The following DACH1 variants were observed in gnomAD, a reference collection of about 807,000 sequenced individuals.
The protein encoded by DACH1 is dachshund homolog 1.
In DACH1, 12 loss-of-function variants were observed where a neutral mutation model predicts 54.2. The observed-to-expected ratio is 0.22, with a 90% CI of 0.14 to 0.36. The LOEUF (loss-of-function observed/expected upper bound fraction) is 0.36. DACH1 is among the 10% of genes least tolerant of loss of function. The pLI is 1.00. For synonymous variants in DACH1, 386 were observed against 366.2 expected, an observed-to-expected ratio of 1.05 and a Z score of -0.62; for missense variants, 805 against 929.8, an observed-to-expected ratio of 0.87 and a Z score of 1.75.
intron 1 of DACH1, among the ~76,000 whole-genome samples, chr13:71,737,776 A>G (rs1037674566): frequency 6.6e-6 from 1 of 152,192 alleles, no homozygotes; most frequent in African/African-American, 2.4e-5. Flanking sequence ...TAGAGGCAAT[A>G]GGAATGGTGA....
chr13:71,512,351 C>T (rs1005328210), intron 6 of DACH1, among the ~76,000 whole-genome samples: 11 of 151,672 alleles, frequency 7.3e-5, no homozygotes, highest in South Asian at 4.2e-4. Context: ...TTTGGTTTAC[C>T]GCACGGATTA....
intron 1 of DACH1, among the ~76,000 whole-genome samples, chr13:71,724,791 T>G (rs1182911535): frequency 1.3e-5 from 2 of 152,170 alleles, no homozygotes; most frequent in African/African-American, 4.8e-5. Context: ...TTTGTATTTT[T>G]TTAAGCTCCA....
At position 71,547,561 on chromosome 13, in the gene DACH1, T is replaced by C. The variant is rs141207616; in HGVS notation, c.1570+9463A>G. ...AGCTTCTACTGGGACAAAACTGTTA[T>C]ACACAGAAGTTATCACATACCTCTC... On this transcript the variant is annotated intron_variant, in intron 6 of 10. Transcript: ENST00000613252. 1.1e-3 allele frequency among the ~76,000 whole-genome samples: 168 copies of C among 152,224 alleles called. 1 individual carries two copies. The highest frequency in any genetic ancestry group is 3.2e-3 in the African/African-American group (135 of 41,578).
At position 71,819,967 on chromosome 13, in the gene DACH1, A is replaced by G. The variant is rs575351756; in HGVS notation, c.848+45955T>C. ...AATGGCTCCATTTCATTTAACTGGC[A>G]CCTAAAGAAAAGGACTGTATTGGGT... On this transcript the variant is annotated intron_variant, in intron 1 of 10. Coordinates refer to ENST00000613252, the MANE Select transcript of DACH1 (RefSeq NM_080759.6). 2.0e-5 allele frequency among the ~76,000 whole-genome samples: 3 copies of G among 152,044 alleles called. No individual in the cohort carries two copies. In the South Asian group the frequency reaches 6.2e-4, roughly 32 times the overall value.
chr13:71,784,015 A>G (rs2138074526), intron 1 of DACH1, among the ~76,000 whole-genome samples: 1 of 151,804 alleles, frequency 6.6e-6, no homozygotes, highest in African/African-American at 2.4e-5. Flanking sequence ...AAGTGTTAGC[A>G]TAAAAGTAAA....
intron 7 of DACH1, among the ~76,000 whole-genome samples, chr13:71,482,831 A>G (rs903232665): frequency 3.7e-5 from 4 of 108,648 alleles, no homozygotes; most frequent in Admixed American, 1.4e-4. Context: ...TGGAGTTTCG[A>G]TCTTGTTGCC....
intron 6 of DACH1, among the ~76,000 whole-genome samples, chr13:71,519,197 T>C (rs546468347): frequency 9.2e-5 from 14 of 151,918 alleles, no homozygotes; most frequent in Non-Finnish European, 1.9e-4. Context: ...CTAGTTCTGG[T>C]TTCTCCAGAG....
At chr13:71,746,911 ATATTCAGC>A (rs1046628328) in intron 1 of DACH1, among the ~76,000 whole-genome samples, 54 of 152,268 alleles carry the variant, frequency 3.5e-4, no homozygotes, top group African/African-American at 1.3e-3. Context: ...CCTGCCAAAA[ATATTCAGC>A]TTGATAGAGT....
At chr13:71,456,232 A>T (rs1399019799) in intron 10 of DACH1, among the ~76,000 whole-genome samples, 1 of 152,142 alleles carries the variant, frequency 6.6e-6, no homozygotes, top group Non-Finnish European at 1.5e-5. Context: ...CTACAACTAA[A>T]CATGCAAAGT....
intron 1 of DACH1, among the ~76,000 whole-genome samples, chr13:71,824,359 A>G (rs1888302565): frequency 6.6e-6 from 1 of 152,042 alleles, no homozygotes; most frequent in Non-Finnish European, 1.5e-5. Context: ...AAGTTGACAG[A>G]CTGAAATTAA....
intron 10 of DACH1, among the ~76,000 whole-genome samples, chr13:71,474,114 C>T (rs538703982): frequency 1.3e-5 from 2 of 150,942 alleles, no homozygotes; most frequent in South Asian, 4.2e-4. Context: ...TTAGGATTTA[C>T]AAATTAATTA....
chr13:71,578,420 G>C (rs573364409), intron 3 of DACH1, among the ~76,000 whole-genome samples: 61 of 152,258 alleles, frequency 4.0e-4, no homozygotes, highest in Non-Finnish European at 1.6e-4. Flanking sequence ...TGTTACTTCA[G>C]AGGTAGGTGA....
intron 1 of DACH1, among the ~76,000 whole-genome samples, chr13:71,796,481 G>T (rs565904828): frequency 6.6e-6 from 1 of 151,950 alleles, no homozygotes; most frequent in South Asian, 2.1e-4. Context: ...TTCAGTATTA[G>T]TAATTCCCAT....
At chr13:71,570,205 C>T (rs527681926) in intron 4 of DACH1, among the ~76,000 whole-genome samples, 1 of 152,244 alleles carries the variant, frequency 6.6e-6, no homozygotes, top group Admixed American at 6.5e-5. Flanking sequence ...TATTCCTCAC[C>T]CTTATTCTCT....
intron 3 of DACH1, among the ~76,000 whole-genome samples, chr13:71,625,844 A>T (rs930819427): frequency 2.6e-5 from 4 of 151,976 alleles, no homozygotes; most frequent in African/African-American, 9.7e-5. Context: ...AGCAGTTAGA[A>T]GGTTATGACT....
chr13:71,520,928 T>A (rs1881554542), intron 6 of DACH1, among the ~76,000 whole-genome samples: 2 of 152,006 alleles, frequency 1.3e-5, no homozygotes, highest in Non-Finnish European at 2.9e-5. Context: ...ATATACTATA[T>A]TTCCCACTTA....
intron 4 of DACH1, among the ~76,000 whole-genome samples, chr13:71,571,428 G>A (rs748826698): frequency 2.6e-5 from 4 of 152,010 alleles, no homozygotes; most frequent in Non-Finnish European, 5.9e-5. Flanking sequence ...TAACAATACG[G>A]TGATATCTTG....
At chr13:71,500,665 C>A (rs1879837349) in intron 6 of DACH1, among the ~76,000 whole-genome samples, 1 of 152,024 alleles carries the variant, frequency 6.6e-6, no homozygotes, top group African/African-American at 2.4e-5. Context: ...ATTCTCATTT[C>A]TTTTCTCATT....
Position 71,475,133 on chromosome 13 carries a change from A to T in DACH1, c.2083+8T>A. 6.2e-7 allele frequency: 1 copy of T among 1,613,628 alleles called. No homozygotes were observed. The highest frequency in any genetic ancestry group is 8.5e-7 in the Non-Finnish European group (1 of 1,179,566). Reference sequence around the variant, plus strand: ...GATCTAGATTTATAGCCTTCTGCAAATTCCTACCTTGTATTGTCCTTTCAG... The same window carrying T: ...GATCTAGATTTATAGCCTTCTGCAATTTCCTACCTTGTATTGTCCTTTCAG... On this transcript the variant is annotated splice_region_variant and intron_variant, in intron 10 of 10. Transcript: ENST00000613252.
Sources: allele counts gnomAD v4.1 joint callset (sites outside exome capture counted in the v4.1 genomes callset), GRCh38; gene constraint gnomAD v4.1.1; transcripts MANE v1.5; gene names NCBI Gene and HGNC (gene_info 2026-07-23, HGNC 2026-07-21).